Variants in GRIP1 observed in about 807,000 individuals in gnomAD.
GRIP1 encodes glutamate receptor-interacting protein 1.
GRIP1 carries 45 observed loss-of-function variants against 129.9 expected under a neutral mutation model. The ratio of observed to expected loss-of-function variants is 0.35; its 90% CI spans 0.27 to 0.44. The LOEUF is 0.44. Among genes scored for constraint, GRIP1 ranks in the 20% least tolerant of loss-of-function variants. The pLI is 1.00. For synonymous variants in GRIP1, 530 were observed against 520.8 expected (o/e 1.02, Z -0.24); for missense variants, 1,196 against 1,396.8 (o/e 0.86, Z 2.29).
intron 1 of GRIP1, among the ~76,000 whole-genome samples, chr12:66,905,859 T>G (rs191656272): frequency 1.3e-5 from 2 of 152,310 alleles, no homozygotes; most frequent in East Asian, 3.9e-4. Context: ...GCCATAGTGT[T>G]TTCGATTTCT....
intron 15 of GRIP1, among the ~76,000 whole-genome samples, chr12:66,415,192 C>T (rs1228862822): frequency 6.6e-6 from 1 of 152,002 alleles, no homozygotes; most frequent in Non-Finnish European, 1.5e-5. Flanking sequence ...TCAGAGTGAA[C>T]AGACAACATA....
intron 1 of GRIP1, among the ~76,000 whole-genome samples, chr12:66,998,321 A>C (rs1238359675): frequency 6.6e-6 from 1 of 152,138 alleles, no homozygotes; most frequent in Admixed American, 6.6e-5. Context: ...TGGCCAAATA[A>C]TTTCATAGGG....
intron 1 of GRIP1, among the ~76,000 whole-genome samples, chr12:66,765,543 G>A (rs188332094): frequency 8.5e-5 from 13 of 152,296 alleles, no homozygotes; most frequent in East Asian, 5.8e-4. Flanking sequence ...AGGGAATGAA[G>A]GGGGACTAAT....
intron 1 of GRIP1, among the ~76,000 whole-genome samples, chr12:66,924,162 T>G (rs539629699): frequency 1.3e-5 from 2 of 152,278 alleles, no homozygotes; most frequent in South Asian, 4.1e-4. Context: ...TGGCATATTT[T>G]AACACAATGC....
chr12:67,027,831 C>T (rs1164475777), intron 1 of GRIP1, among the ~76,000 whole-genome samples: 2 of 152,182 alleles, frequency 1.3e-5, no homozygotes, highest in Non-Finnish European at 2.9e-5. Flanking sequence ...TTCTGGACAT[C>T]TGCCTTGACC....
At chr12:67,067,396 T>C (rs936922833) in intron 1 of GRIP1, among the ~76,000 whole-genome samples, 6 of 152,180 alleles carry the variant, frequency 3.9e-5, no homozygotes, top group African/African-American at 9.7e-5. Flanking sequence ...CATTGTGACA[T>C]TTAGTTGATA....
At chr12:67,011,061 T>C (rs183131435) in intron 1 of GRIP1, among the ~76,000 whole-genome samples, 5 of 152,296 alleles carry the variant, frequency 3.3e-5, no homozygotes, top group Non-Finnish European at 7.4e-5. Flanking sequence ...ACCCATATCT[T>C]TCCTCCAAGC....
intron 1 of GRIP1, among the ~76,000 whole-genome samples, chr12:66,875,716 T>C (rs2040371601): frequency 6.6e-6 from 1 of 152,056 alleles, no homozygotes; most frequent in Non-Finnish European, 1.5e-5. Flanking sequence ...TCATCCAACA[T>C]ATTGTGGTGC....
At chr12:66,841,424 A>T (rs1235104174) in intron 1 of GRIP1, among the ~76,000 whole-genome samples, 3 of 152,230 alleles carry the variant, frequency 2.0e-5, no homozygotes, top group Non-Finnish European at 2.9e-5. Context: ...AAAGAGAGAG[A>T]GAGATTAAGT....
At chr12:66,499,056 A>G (rs1026477847) in intron 7 of GRIP1, among the ~76,000 whole-genome samples, 2 of 152,216 alleles carry the variant, frequency 1.3e-5, no homozygotes. Flanking sequence ...TTCTTACATA[A>G]TATTTTGGAA....
At chr12:66,356,411 G>A (rs1181843669) in intron 23 of GRIP1, among the ~76,000 whole-genome samples, 1 of 152,132 alleles carries the variant, frequency 6.6e-6, no homozygotes, top group Non-Finnish European at 1.5e-5. Context: ...CTAGCACACA[G>A]TTGTTTAATA....
At chr12:66,624,378 T>C (rs538134747) in intron 1 of GRIP1, among the ~76,000 whole-genome samples, 78 of 152,252 alleles carry the variant, frequency 5.1e-4, no homozygotes, top group African/African-American at 1.8e-3. Context: ...TGTAATAGGT[T>C]GCTATGATTG....
At chr12:66,637,055 T>C (rs2031463125) in intron 1 of GRIP1, among the ~76,000 whole-genome samples, 1 of 152,080 alleles carries the variant, frequency 6.6e-6, no homozygotes, top group Admixed American at 6.6e-5. Flanking sequence ...TGCAGGCCCA[T>C]AACCCAGCCA....
intron 22 of GRIP1, among the ~76,000 whole-genome samples, chr12:66,375,656 C>A (rs1000465262): frequency 6.6e-6 from 1 of 152,116 alleles, no homozygotes; most frequent in Non-Finnish European, 1.5e-5. Context: ...TGTCAAGGGC[C>A]ACATCTGTCT....
upstream of GRIP1, chr12:66,804,304 TTCTA>T (rs60002443): frequency 0.038 from 10,496 of 278,222 alleles, 1,083 homozygotes; most frequent in African/African-American, 0.22. Flanking sequence ...ACAGCTACCC[TTCTA>T]TCTACCTCTG....
intron 1 of GRIP1, among the ~76,000 whole-genome samples, chr12:66,701,599 CT>C (rs1420344873): frequency 1.3e-5 from 2 of 152,160 alleles, no homozygotes; most frequent in Admixed American, 6.6e-5. Context: ...ACCTTCACCA[CT>C]TTTTTCCTCC....
At chr12:66,923,869 A>C (rs2041252332) in intron 1 of GRIP1, among the ~76,000 whole-genome samples, 1 of 151,584 alleles carries the variant, frequency 6.6e-6, no homozygotes, top group South Asian at 2.1e-4. Flanking sequence ...CTTGAGATGG[A>C]GTTTCGCTCT....
intron 1 of GRIP1, among the ~76,000 whole-genome samples, chr12:66,997,234 T>C (rs2042481132): frequency 6.6e-6 from 1 of 151,986 alleles, no homozygotes; most frequent in African/African-American, 2.4e-5. Flanking sequence ...ACATAGAGCA[T>C]ATGCGTTTGC....
intron 2 of GRIP1, among the ~76,000 whole-genome samples, chr12:66,565,271 T>C (rs1035478581): frequency 6.6e-6 from 1 of 152,238 alleles, no homozygotes; most frequent in African/African-American, 2.4e-5. Flanking sequence ...AACATTTAAG[T>C]CTTTAATCCA....
Sources: allele counts gnomAD v4.1 joint callset (sites outside exome capture counted in the v4.1 genomes callset), GRCh38; gene constraint gnomAD v4.1.1; transcripts MANE v1.5; gene names NCBI Gene and HGNC (gene_info 2026-07-23, HGNC 2026-07-21).